The following MPPED1 variants were observed in gnomAD, a reference collection of about 807,000 sequenced individuals.
MPPED1 encodes the protein metallophosphoesterase domain-containing protein 1.
MPPED1 carries 16 observed loss-of-function variants against 36.2 expected under a neutral mutation model. That is an observed-to-expected ratio of 0.44 (90% confidence interval 0.30 to 0.67). The LOEUF (loss-of-function observed/expected upper bound fraction) is 0.67, where lower values mean the gene tolerates loss of function less well. MPPED1 is among the 30% of genes least tolerant of loss of function. The pLI is 0.10. For synonymous variants in MPPED1, 199 were observed against 191.3 expected, an observed-to-expected ratio of 1.04 and a Z score of -0.33; for missense variants, 307 against 453.4, an observed-to-expected ratio of 0.68 and a Z score of 2.93.
At position 43,447,692 on chromosome 22, in the gene MPPED1, C is replaced by T. The variant is rs570208487; in HGVS notation, c.406+12477C>T. 5.9e-5 allele frequency among the ~76,000 whole-genome samples: 9 copies of T among 151,330 alleles called. No individual in the cohort carries two copies. The South Asian group carries it at 1.9e-3, about 32-fold the overall frequency. ...CTGGCCTATCTCACACTTCAGTGCT[C>T]AAGTGCAGATTACATAGGTCTCGGG... On this transcript the variant is annotated intron_variant, in intron 3 of 6. Transcript: ENST00000443721.
At chr22:43,458,117 T>TAAG (rs1930818929) in intron 3 of MPPED1, among the ~76,000 whole-genome samples, 1 of 152,212 alleles carries the variant, frequency 6.6e-6, no homozygotes, top group Non-Finnish European at 1.5e-5. Flanking sequence ...CTGTATGATC[T>TAAG]AGGTTTGCGT....
chr22:43,500,322 A>G (rs866799819), intron 5 of MPPED1, among the ~76,000 whole-genome samples: 247 of 20,000 alleles, frequency 0.012, no homozygotes, highest in Middle Eastern at 0.04. Context: ...GGAGGTGGTG[A>G]TGGTGGTGGT....
intron 1 of MPPED1, among the ~76,000 whole-genome samples, chr22:43,422,426 C>T (rs551413152): frequency 4.6e-5 from 7 of 152,284 alleles, no homozygotes; most frequent in South Asian, 2.1e-4. Context: ...CACCGGGGGC[C>T]GGCCTGTGTG....
chr22:43,445,524 C>G (rs1392030944), intron 3 of MPPED1, among the ~76,000 whole-genome samples: 1 of 150,886 alleles, frequency 6.6e-6, no homozygotes, highest in Non-Finnish European at 1.5e-5. Flanking sequence ...CCTCTTGCTG[C>G]CATCTTATCT....
At chr22:43,460,397 C>G (rs1031407874) in intron 3 of MPPED1, among the ~76,000 whole-genome samples, 2 of 151,176 alleles carry the variant, frequency 1.3e-5, no homozygotes, top group South Asian at 4.2e-4. Flanking sequence ...GTGGCACAAT[C>G]GTGGCTCACT....
intron 4 of MPPED1, among the ~76,000 whole-genome samples, chr22:43,478,660 C>T (rs1055582551): frequency 1.4e-4 from 21 of 152,064 alleles, no homozygotes; most frequent in Middle Eastern, 3.2e-3. Context: ...GTGTGGCTTC[C>T]GGGGGCCTGG....
At chr22:43,479,714 C>T (rs1230964160) in intron 4 of MPPED1, among the ~76,000 whole-genome samples, 1 of 152,216 alleles carries the variant, frequency 6.6e-6, no homozygotes, top group Non-Finnish European at 1.5e-5. Flanking sequence ...AGGAGGTCCT[C>T]TCTCTGCTAG....
intron 3 of MPPED1, among the ~76,000 whole-genome samples, chr22:43,471,355 C>A (rs561131529): frequency 4.6e-5 from 7 of 152,150 alleles, no homozygotes; most frequent in Non-Finnish European, 8.8e-5. Context: ...TGCCTCCCTG[C>A]TGCAGTGTGT....
At chr22:43,475,683 GTGA>G (rs1931541317) in intron 4 of MPPED1, among the ~76,000 whole-genome samples, 1 of 138,726 alleles carries the variant, frequency 7.2e-6, no homozygotes, top group Non-Finnish European at 1.6e-5. Flanking sequence ...TGGTGATGTG[GTGA>G]TGGTGATGAT....
chr22:43,462,249 T>G (rs542755786), intron 3 of MPPED1, among the ~76,000 whole-genome samples: 1 of 152,302 alleles, frequency 6.6e-6, no homozygotes, highest in African/African-American at 2.4e-5. Flanking sequence ...TTGAAGATGC[T>G]TCTTTTTATT....
chr22:43,481,742 G>A (rs892049605), intron 4 of MPPED1, among the ~76,000 whole-genome samples: 3 of 151,950 alleles, frequency 2.0e-5, no homozygotes, highest in Non-Finnish European at 4.4e-5. Flanking sequence ...TTGCCATGTC[G>A]CCCCCTTGAT....
chr22:43,417,939 C>T (rs890345176), intron 1 of MPPED1: 11 of 420,666 alleles, frequency 2.6e-5, no homozygotes, highest in Non-Finnish European at 3.4e-5. Context: ...CTCAGAACGC[C>T]GCAGCGGGGA....
intron 2 of MPPED1, among the ~76,000 whole-genome samples, chr22:43,429,206 G>A (rs1384935159): frequency 6.6e-6 from 1 of 152,158 alleles, no homozygotes; most frequent in African/African-American, 2.4e-5. Context: ...AGATGAGGAT[G>A]CTAAGGTTTT....
At chr22:43,441,513 G>C (rs1017058215) in intron 3 of MPPED1, among the ~76,000 whole-genome samples, 1 of 152,192 alleles carries the variant, frequency 6.6e-6, no homozygotes, top group Non-Finnish European at 1.5e-5. Flanking sequence ...GTGCCCAGGG[G>C]TGTTTGTTGT....
Position 43,425,088 on chromosome 22 carries a change from G to A in MPPED1, c.103G>A (p.Ala35Thr), listed in dbSNP as rs753910152. Residue 35 changes from alanine to threonine, a missense_variant, in exon 2 of 7, where the codon GCT becomes ACT. By Grantham distance (58) the Ala-to-Thr change is moderately conservative (BLOSUM62 0). Transcript: ENST00000443721. ...ATTCTCCCAGTCCCACGTGATGGCC[G>A]CTCGGCGGCACCAGCACAGCCGGCT... ...MAFSQSHVMA[A>T]RRHQHSRLII... is the part of the protein sequence containing the mutation. The A allele has an allele frequency of 9.3e-6, 15 of 1,613,744 alleles. No individual in the cohort carries two copies. Among genetic ancestry groups the A allele is most frequent in the African/African-American group, 1.3e-5 (1 of 75,060 alleles).
chr22:43,429,278 A>G (rs1342485164), intron 2 of MPPED1, among the ~76,000 whole-genome samples: 4 of 152,084 alleles, frequency 2.6e-5, no homozygotes, highest in Non-Finnish European at 5.9e-5. Context: ...TGGCCTTTCC[A>G]CACACTGAGA....
chr22:43,434,315 C>T (rs1488960544), intron 2 of MPPED1, among the ~76,000 whole-genome samples: 2 of 152,226 alleles, frequency 1.3e-5, no homozygotes, highest in Non-Finnish European at 2.9e-5. Flanking sequence ...CACTGTCTTA[C>T]GGTTTTGAGA....
intron 3 of MPPED1, among the ~76,000 whole-genome samples, chr22:43,453,461 T>C (rs1930644821): frequency 6.6e-6 from 1 of 152,128 alleles, no homozygotes; most frequent in Non-Finnish European, 1.5e-5. Flanking sequence ...CAATCCTTGC[T>C]GGGAATTTCC....
chr22:43,482,008 G>A (rs868231274), intron 4 of MPPED1, among the ~76,000 whole-genome samples: 2 of 152,168 alleles, frequency 1.3e-5, no homozygotes, highest in Non-Finnish European at 2.9e-5. Context: ...CAGGGAGGCC[G>A]TTTGTGGACC....
Sources: allele counts gnomAD v4.1 joint callset (sites outside exome capture counted in the v4.1 genomes callset), GRCh38; gene constraint gnomAD v4.1.1; transcripts MANE v1.5; gene names NCBI Gene and HGNC (gene_info 2026-07-23, HGNC 2026-07-21).